VPS13B: variants seen among roughly 807,000 people sequenced by gnomAD.
VPS13B encodes the protein vacuolar protein sorting 13 homolog B.
In VPS13B, 285 loss-of-function variants were observed where a neutral mutation model predicts 426.4. The observed-to-expected ratio is 0.67, with a 90% CI of 0.61 to 0.74. The LOEUF (loss-of-function observed/expected upper bound fraction) is 0.74, where lower values mean the gene tolerates loss of function less well. VPS13B is among the 30% of genes least tolerant of loss of function. The probability of loss-of-function intolerance (pLI) is 0.00; values close to 1 mark genes in which losing one functional copy is unlikely to be tolerated. For synonymous variants in VPS13B, 1,676 were observed against 1,676.4 expected (o/e 1.00, Z 0.01); for missense variants, 4,537 against 4,782.6 (o/e 0.95, Z 1.51).
intron 33 of VPS13B, chr8:99,613,793 G>T (rs1228618281): frequency 1.3e-5 from 2 of 152,200 alleles, no homozygotes; most frequent in Admixed American, 6.5e-5. Flanking sequence ...AGAAGAAGAA[G>T]TCTTGCTATG....
chr8:99,450,179 T>G (rs1818119124), intron 23 of VPS13B, among the ~76,000 whole-genome samples: 1 of 152,090 alleles, frequency 6.6e-6, no homozygotes, highest in African/African-American at 2.4e-5. Context: ...AATAAATAAT[T>G]TGTTTAAAAA....
chr8:99,624,499 C>G (rs1369256766), intron 33 of VPS13B, among the ~76,000 whole-genome samples: 2 of 152,048 alleles, frequency 1.3e-5, no homozygotes, highest in Non-Finnish European at 2.9e-5. Context: ...AAAATCCATC[C>G]CTGCTATTTA....
At chr8:99,041,742 A>G (rs1376981078) in intron 3 of VPS13B, among the ~76,000 whole-genome samples, 1 of 151,724 alleles carries the variant, frequency 6.6e-6, no homozygotes, top group Non-Finnish European at 1.5e-5. Context: ...AGTCCCAGCT[A>G]CTCGGGAGGC....
At chr8:99,523,991 A>G (rs1019832440) in intron 30 of VPS13B, among the ~76,000 whole-genome samples, 2 of 152,186 alleles carry the variant, frequency 1.3e-5, no homozygotes, top group African/African-American at 4.8e-5. Context: ...AAGAAATTCA[A>G]AATAATAGAG....
At position 99,153,013 on chromosome 8, in the gene VPS13B, T is replaced by C. The variant is rs192506790; in HGVS notation, c.2014-3536T>C. On this transcript the variant is annotated intron_variant, in intron 14 of 61. Coordinates refer to ENST00000357162, the MANE Select transcript of VPS13B (RefSeq NM_152564.5). Reference sequence around the variant, plus strand: ...GTAAAACCCTGTCTCTACAAAAAAATACAAAAGTTAGCCAGGCATGCTGGT... The same window carrying C: ...GTAAAACCCTGTCTCTACAAAAAAACACAAAAGTTAGCCAGGCATGCTGGT... Among the ~76,000 whole-genome samples, 124 of 152,068 alleles carry C rather than the reference T, an allele frequency of 8.2e-4. 3 individuals are homozygous for C. The highest frequency in any genetic ancestry group is 8.2e-4 in the Non-Finnish European group (56 of 67,970).
At chr8:99,467,188 A>G (rs1819154745) in intron 23 of VPS13B, among the ~76,000 whole-genome samples, 1 of 152,088 alleles carries the variant, frequency 6.6e-6, no homozygotes, top group African/African-American at 2.4e-5. Flanking sequence ...TTTTTATCCC[A>G]TATATTTAAT....
intron 24 of VPS13B, among the ~76,000 whole-genome samples, chr8:99,470,372 C>G (rs1819340051): frequency 6.6e-6 from 1 of 151,968 alleles, no homozygotes; most frequent in Non-Finnish European, 1.5e-5. Flanking sequence ...TTTAAGGCAG[C>G]TTTTAGAAAT....
chr8:99,716,019 G>A lies in VPS13B; in HGVS notation c.6455-1152G>A, dbSNP rs75466783. Reference sequence around the variant, plus strand: ...TTGTTTATTTGTTTGTTTAGACTAAGTGGAAGCTTTGAATCAGGATAATTG... The same window carrying A: ...TTGTTTATTTGTTTGTTTAGACTAAATGGAAGCTTTGAATCAGGATAATTG... On this transcript the variant is annotated intron_variant, in intron 36 of 61. Coordinates refer to ENST00000357162, the MANE Select transcript of VPS13B (RefSeq NM_152564.5). 2.2e-4 allele frequency among the ~76,000 whole-genome samples: 33 copies of A among 152,160 alleles called. No individual in the cohort carries two copies. The East Asian group carries it at 6.2e-3, about 28-fold the overall frequency.
At chr8:99,130,481 G>A (rs993558533) in intron 8 of VPS13B, among the ~76,000 whole-genome samples, 3 of 149,362 alleles carry the variant, frequency 2.0e-5, no homozygotes, top group Non-Finnish European at 4.4e-5. Context: ...TCTGCCTCCC[G>A]GGTTCACGCC....
chr8:99,478,845 AAAC>A (rs1239688151), intron 24 of VPS13B, among the ~76,000 whole-genome samples: 1 of 152,042 alleles, frequency 6.6e-6, no homozygotes, highest in Admixed American at 6.6e-5. Context: ...AAAAAAAAAA[AAAC>A]AAGTTTCTGA....
In VPS13B at chr8:99,369,012, G is replaced by C. The variant is rs186303268; in HGVS notation, c.2825-15196G>C. ...TTTCCTGCTTCTTGTATGATTGGCA[G>C]AATCCTTCTCCTTCTTTAGGACTCT... is the stretch of plus-strand genomic sequence containing the variant. On this transcript the variant is annotated intron_variant, in intron 19 of 61. Coordinates refer to ENST00000357162, the MANE Select transcript of VPS13B (RefSeq NM_152564.5). Among the ~76,000 whole-genome samples the C allele has an allele frequency of 3.9e-5, 6 of 152,300 alleles. No homozygotes were observed. The East Asian group carries it at 1.2e-3, about 29-fold the overall frequency.
intron 34 of VPS13B, among the ~76,000 whole-genome samples, chr8:99,644,046 T>C (rs1829479299): frequency 6.6e-6 from 1 of 152,136 alleles, no homozygotes; most frequent in African/African-American, 2.4e-5. Flanking sequence ...AGTCGCTCTA[T>C]AGGTGGGTGG....
chr8:99,641,799 T>C lies in VPS13B; in HGVS notation c.5221-12T>C. On this transcript the variant is annotated splice_polypyrimidine_tract_variant and intron_variant, in intron 33 of 61. Coordinates refer to ENST00000357162, the MANE Select transcript of VPS13B (RefSeq NM_152564.5). ...AACTAGTTTGAAATATTTTATTACT[T>C]TTTTCTTACAGATCTCTAAACAAGA... 2.5e-6 allele frequency: 4 copies of C among 1,603,702 alleles called. No individual in the cohort carries two copies. The highest frequency in any genetic ancestry group is 3.4e-6 in the Non-Finnish European group (4 of 1,172,898).
At chr8:99,231,681 A>C (rs746512765) in intron 17 of VPS13B, among the ~76,000 whole-genome samples, 71 of 152,142 alleles carry the variant, frequency 4.7e-4, no homozygotes, top group Admixed American at 6.5e-4. Flanking sequence ...TCCAACTATC[A>C]GTTTTACAAA....
At chr8:99,153,130 A>G (rs1263589465) in intron 14 of VPS13B, among the ~76,000 whole-genome samples, 3 of 152,216 alleles carry the variant, frequency 2.0e-5, no homozygotes, top group Non-Finnish European at 4.4e-5. Context: ...TGATCACACC[A>G]CTTGCACTCC....
At chr8:99,605,858 A>T (rs1246737692) in intron 33 of VPS13B, among the ~76,000 whole-genome samples, 1 of 152,260 alleles carries the variant, frequency 6.6e-6, no homozygotes, top group East Asian at 1.9e-4. Flanking sequence ...TGTGCAAGTA[A>T]GAGGCCTTGG....
At chr8:99,193,267 A>G (rs540616041) in intron 17 of VPS13B, among the ~76,000 whole-genome samples, 19 of 152,298 alleles carry the variant, frequency 1.2e-4, no homozygotes, top group Admixed American at 3.9e-4. Flanking sequence ...CATATGTTTC[A>G]TAATTGCAAA....
At chr8:99,762,137 G>T (rs1283580955) in intron 39 of VPS13B, among the ~76,000 whole-genome samples, 1 of 151,574 alleles carries the variant, frequency 6.6e-6, no homozygotes, top group Non-Finnish European at 1.5e-5. Flanking sequence ...GCGATCCTCC[G>T]ACTTCAGCCT....
intron 27 of VPS13B, 41 bp downstream of exon 27, chr8:99,502,991 C>A: frequency 6.8e-7 from 1 of 1,469,594 alleles, no homozygotes; most frequent in Non-Finnish European, 9.5e-7. Flanking sequence ...CTGTATTTTT[C>A]TTTGAACAAA....
Sources: gnomAD v4.1 joint callset for allele counts (sites outside exome capture counted in the v4.1 genomes callset) on GRCh38, gnomAD v4.1.1 for gene constraint, MANE v1.5 for transcripts, NCBI Gene and HGNC (gene_info 2026-07-23, HGNC 2026-07-21) for gene names.